The following CUBN variants were observed in gnomAD, a reference collection of about 807,000 sequenced individuals.
CUBN encodes 460 kDa receptor.
Under a neutral mutation model 405.3 loss-of-function variants are expected in CUBN, and 282 were observed. That is an observed-to-expected ratio of 0.70 (90% CI 0.63 to 0.77). The LOEUF (loss-of-function observed/expected upper bound fraction) is 0.77. Among genes scored for constraint, CUBN ranks in the 30% least tolerant of loss-of-function variants. The pLI, the probability that CUBN is intolerant of heterozygous loss-of-function variation, is 0.00. For missense variants in CUBN, 4,514 were observed against 4,475.2 expected, an observed-to-expected ratio of 1.01 and a Z score of -0.25; for synonymous variants, 1,684 against 1,617.0, an observed-to-expected ratio of 1.04 and a Z score of -0.99.
At chr10:17,082,669 T>A (rs538483137) in intron 17 of CUBN, among the ~76,000 whole-genome samples, 183 of 152,290 alleles carry the variant, frequency 1.2e-3, no homozygotes, top group Non-Finnish European at 2.3e-3. Flanking sequence ...TGGAATTGGG[T>A]AATTCACAAG....
chr10:16,874,479 G>C lies in CUBN; in HGVS notation c.9131C>G (p.Ser3044Cys), dbSNP rs746381697. The C allele has an allele frequency of 1.2e-6, 2 of 1,614,098 alleles. No individual in the cohort carries two copies. Among genetic ancestry groups the C allele is most frequent in the South Asian group, 2.2e-5 (2 of 91,090 alleles). ...GGCAGGACTTGTGATGATTCCAGAA[G>C]AGAAATTGAACACACCACCACAGGC... Reference protein sequence around the residue: ...IISCGGVFNFSSGIITSPAYS... With the variant: ...IISCGGVFNFCSGIITSPAYS... Residue 3044 changes from serine to cysteine, a missense_variant, in exon 58 of 67, where the codon TCT becomes TGT. Ser to Cys is a moderately radical substitution (Grantham distance 112). Coordinates refer to ENST00000377833, the MANE Select transcript of CUBN (RefSeq NM_001081.4).
chr10:17,105,003 C>T (rs1334882609), intron 11 of CUBN, among the ~76,000 whole-genome samples: 1 of 151,412 alleles, frequency 6.6e-6, no homozygotes, highest in Non-Finnish European at 1.5e-5. Context: ...AGTGTTTCAC[C>T]ATGTCGGTCA....
intron 22 of CUBN, among the ~76,000 whole-genome samples, chr10:17,052,771 A>G (rs1835300256): frequency 7.1e-6 from 1 of 140,796 alleles, no homozygotes; most frequent in East Asian, 2.0e-4. Flanking sequence ...AAAAAAAAAA[A>G]AAAAAAAAAA....
chr10:16,979,419 T>C (rs1037444430), intron 31 of CUBN, among the ~76,000 whole-genome samples: 2 of 152,046 alleles, frequency 1.3e-5, no homozygotes, highest in African/African-American at 4.8e-5. Context: ...GCTGGAGACA[T>C]AACGTTACCT....
chr10:16,919,637 G>A (rs1841977957), intron 44 of CUBN, among the ~76,000 whole-genome samples: 1 of 152,074 alleles, frequency 6.6e-6, no homozygotes, highest in Non-Finnish European at 1.5e-5. Context: ...ATATGAGGCT[G>A]GTCAAATAAA....
At chr10:17,101,712 T>G (rs891666311) in intron 13 of CUBN, among the ~76,000 whole-genome samples, 6 of 152,184 alleles carry the variant, frequency 3.9e-5, no homozygotes, top group African/African-American at 1.4e-4. Flanking sequence ...GATCTTAATT[T>G]GAAGAGCGTT....
At position 16,937,713 on chromosome 10, in the gene CUBN, G is replaced by T. The variant is rs781576388; in HGVS notation, c.5805C>A (p.Ser1935Arg). The T allele has an allele frequency of 6.2e-7, 1 of 1,613,986 alleles. No homozygotes were observed. The highest frequency in any genetic ancestry group is 8.5e-7 in the Non-Finnish European group (1 of 1,179,998). The change falls in exon 39 of 67, where the codon AGC (serine) becomes AGA (arginine). Residue 1935 changes from serine (S) to arginine (R), a missense_variant. Transcript: ENST00000377833. ...GAAATGTCAAAGAATTTCCAGTGGAGCTGAAAGATTCAGTCTGGGTACCAC... is the reference window on the plus strand; with the variant it reads ...GAAATGTCAAAGAATTTCCAGTGGATCTGAAAGATTCAGTCTGGGTACCAC... ...AYCGTQTESF[S>R]STGNSLTFHF... is the part of the protein sequence containing the mutation.
At chr10:16,887,199 GGT>G (rs1840846447) in intron 56 of CUBN, among the ~76,000 whole-genome samples, 1 of 152,126 alleles carries the variant, frequency 6.6e-6, no homozygotes, top group Non-Finnish European at 1.5e-5. Context: ...CATGAATGTG[GGT>G]GTGTGTGTGC....
At chr10:16,871,838 C>A (rs1840362342) in intron 58 of CUBN, among the ~76,000 whole-genome samples, 1 of 152,170 alleles carries the variant, frequency 6.6e-6, no homozygotes, top group Non-Finnish European at 1.5e-5. Flanking sequence ...CTTTTGAGAG[C>A]CTTTTATTAA....
chr10:16,851,032 G>T (rs1564385040), intron 60 of CUBN, among the ~76,000 whole-genome samples: 1 of 152,128 alleles, frequency 6.6e-6, no homozygotes, highest in Non-Finnish European at 1.5e-5. Context: ...AAATATTTGA[G>T]TCACCCATAT....
At chr10:16,976,736 TTTC>T (rs1833110314) in intron 31 of CUBN, among the ~76,000 whole-genome samples, 3 of 152,142 alleles carry the variant, frequency 2.0e-5, no homozygotes. Flanking sequence ...CTTATATATT[TTTC>T]ATCCTTTTTT....
intron 31 of CUBN, among the ~76,000 whole-genome samples, chr10:16,961,579 A>T (rs930588157): frequency 1.3e-5 from 2 of 152,230 alleles, no homozygotes; most frequent in African/African-American, 4.8e-5. Context: ...AAAATAAAGA[A>T]GCCAAGCAAA....
chr10:17,055,856 T>G (rs1835382425), intron 22 of CUBN, among the ~76,000 whole-genome samples: 1 of 152,090 alleles, frequency 6.6e-6, no homozygotes, highest in Non-Finnish European at 1.5e-5. Flanking sequence ...AATTGGTCTG[T>G]AAATTCAATG....
At chr10:16,977,950 A>G (rs1047833674) in intron 31 of CUBN, among the ~76,000 whole-genome samples, 1 of 152,234 alleles carries the variant, frequency 6.6e-6, no homozygotes, top group African/African-American at 2.4e-5. Context: ...AATTATAGGT[A>G]GAAATGATGT....
chr10:17,023,923 T>C (rs1475487164), intron 27 of CUBN, among the ~76,000 whole-genome samples: 1 of 152,202 alleles, frequency 6.6e-6, no homozygotes, highest in Non-Finnish European at 1.5e-5. Flanking sequence ...GTGAAATCTT[T>C]TGTTATTCTC....
chr10:16,931,440 A>G (rs1038396524), intron 40 of CUBN, among the ~76,000 whole-genome samples: 1 of 152,208 alleles, frequency 6.6e-6, no homozygotes, highest in Non-Finnish European at 1.5e-5. Context: ...CAGTGCATAA[A>G]AAGGAATCCA....
intron 31 of CUBN, among the ~76,000 whole-genome samples, chr10:16,963,991 T>C (rs1707291): frequency 0.57 from 86,415 of 152,086 alleles, 25,089 homozygotes; most frequent in Non-Finnish European, 0.65. Context: ...GATAGGAGCA[T>C]GTGGGACTTC....
chr10:16,906,968 C>T (rs1040342953), intron 49 of CUBN, among the ~76,000 whole-genome samples: 2 of 152,002 alleles, frequency 1.3e-5, no homozygotes, highest in Non-Finnish European at 2.9e-5. Context: ...AATTTAAAAC[C>T]CTTTAAAATT....
Position 16,938,880 on chromosome 10 carries a change from T to C in CUBN, c.5733+83A>G, listed in dbSNP as rs1417002548. The C allele has an allele frequency of 3.2e-6, 4 of 1,257,968 alleles. No homozygotes were observed. In the Admixed American group the frequency reaches 5.1e-5, roughly 16 times the overall value. The allele number at this position is 1,257,968 out of a possible 1,614,324, so 77.9% of individuals were successfully genotyped here. On this transcript the variant is annotated intron_variant, in intron 38 of 66. Coordinates refer to ENST00000377833, the MANE Select transcript of CUBN (RefSeq NM_001081.4). ...ACTATCCCACATGATTTGCAAATGC[T>C]TGAATAGACGTTACCTTGGATTTAT...
Sources: gnomAD v4.1 joint callset for allele counts (sites outside exome capture counted in the v4.1 genomes callset) on GRCh38, gnomAD v4.1.1 for gene constraint, MANE v1.5 for transcripts, NCBI Gene and HGNC (gene_info 2026-07-23, HGNC 2026-07-21) for gene names.